WWOX: variants seen among roughly 807,000 people sequenced by gnomAD.
The protein encoded by WWOX is WW domain-containing oxidoreductase.
In WWOX, 69 loss-of-function variants were observed where a neutral mutation model predicts 46.2. The observed-to-expected ratio is 1.49, with a 90% CI of 1.23 to 1.82. The LOEUF (loss-of-function observed/expected upper bound fraction) is 1.82. WWOX is among the 40% of genes most tolerant of loss of function. The pLI is 0.00. For missense variants in WWOX, 919 were observed against 542.6 expected (o/e 1.69, Z -6.89); for synonymous variants, 359 against 202.6 (o/e 1.77, Z -6.56).
intron 8 of WWOX, among the ~76,000 whole-genome samples, chr16:79,084,817 A>G (rs1489082598): frequency 6.6e-6 from 1 of 152,196 alleles, no homozygotes; most frequent in African/African-American, 2.4e-5. Flanking sequence ...GAAGTGACAT[A>G]AAGTAGGACA....
intron 8 of WWOX, among the ~76,000 whole-genome samples, chr16:78,652,779 T>C (rs535615561): frequency 1.8e-4 from 28 of 152,328 alleles, no homozygotes; most frequent in Admixed American, 1.0e-3. Flanking sequence ...ATTTCTTTAA[T>C]ACGTGTATAT....
chr16:78,527,729 G>GCTCTTCTTTAGTTCAGTGA (rs1555555149), intron 8 of WWOX, among the ~76,000 whole-genome samples: 1 of 151,658 alleles, frequency 6.6e-6, no homozygotes, highest in African/African-American at 2.4e-5. Flanking sequence ...TCATGAACAG[G>GCTCTTCTTTAGTTCAGTGA]TTCTTGATCA....
intron 4 of WWOX, among the ~76,000 whole-genome samples, chr16:78,163,408 C>A (rs985826888): frequency 6.6e-6 from 1 of 152,168 alleles, no homozygotes; most frequent in African/African-American, 2.4e-5. Context: ...GGTGTGTTTA[C>A]CGTGGCCCTT....
intron 8 of WWOX, among the ~76,000 whole-genome samples, chr16:78,852,633 A>G (rs543390854): frequency 1.2e-4 from 19 of 152,320 alleles, no homozygotes; most frequent in African/African-American, 4.3e-4. Context: ...CAGAAAATCT[A>G]TGTGAGGGAG....
rs2050325914 is a variant in WWOX at position 79,153,699 on chromosome 16, C to T, written c.1057-57909C>T. 2.0e-5 allele frequency among the ~76,000 whole-genome samples: 3 copies of T among 152,120 alleles called. No individual in the cohort carries two copies. In the South Asian group the frequency reaches 6.2e-4, roughly 32 times the overall value. The stretch of plus-strand genomic sequence containing the variant: ...TCTCATTGTACATACTTTTCTATTC[C>T]TCCCAGTACCATTTAAAGGTTAGTG... On this transcript the variant is annotated intron_variant, in intron 8 of 8. Coordinates refer to ENST00000566780, the MANE Select transcript of WWOX (RefSeq NM_016373.4).
intron 5 of WWOX, among the ~76,000 whole-genome samples, chr16:78,383,243 G>A (rs1465043425): frequency 6.6e-6 from 1 of 152,068 alleles, no homozygotes; most frequent in Non-Finnish European, 1.5e-5. Flanking sequence ...CTGTGGTCTA[G>A]TAAATTGTGT....
chr16:78,154,478 C>T lies in WWOX; in HGVS notation c.410-9705C>T, dbSNP rs558658086. On this transcript the variant is annotated intron_variant, in intron 4 of 8. Coordinates refer to ENST00000566780, the MANE Select transcript of WWOX (RefSeq NM_016373.4). ...TATTTACACAGAGTTGCTCCCCAATCCTTGATCTTTTTTTTTTTTTTTTTT... is the reference window on the plus strand; with the variant it reads ...TATTTACACAGAGTTGCTCCCCAATTCTTGATCTTTTTTTTTTTTTTTTTT... Among the ~76,000 whole-genome samples, 71 of 141,830 alleles carry T rather than the reference C, an allele frequency of 5.0e-4. No homozygotes were observed. In the South Asian group the frequency reaches 0.015, roughly 30 times the overall value. 93.0% of individuals were successfully genotyped at this position (141,830 alleles called of 152,430 possible).
At chr16:78,351,918 A>C (rs2081192482) in intron 5 of WWOX, among the ~76,000 whole-genome samples, 1 of 152,154 alleles carries the variant, frequency 6.6e-6, no homozygotes, top group Non-Finnish European at 1.5e-5. Context: ...CAGCCTCCCA[A>C]AGTGCTGGGA....
At chr16:78,321,291 C>T (rs892410454) in intron 5 of WWOX, among the ~76,000 whole-genome samples, 3 of 68,382 alleles carry the variant, frequency 4.4e-5, no homozygotes, top group East Asian at 8.8e-4. Context: ...TATATATATA[C>T]GTATATATAT....
At chr16:78,331,704 G>A (rs1237078600) in intron 5 of WWOX, among the ~76,000 whole-genome samples, 2 of 152,126 alleles carry the variant, frequency 1.3e-5, no homozygotes, top group African/African-American at 4.8e-5. Flanking sequence ...TTGTTATCCT[G>A]ATACACACAT....
intron 8 of WWOX, among the ~76,000 whole-genome samples, chr16:78,790,491 A>G (rs868109258): frequency 2.0e-4 from 31 of 152,180 alleles, no homozygotes; most frequent in African/African-American, 5.6e-4. Context: ...TAGAAAAGTC[A>G]GAAGGTCTAC....
At chr16:78,911,077 C>A (rs974731888) in intron 8 of WWOX, among the ~76,000 whole-genome samples, 23 of 152,000 alleles carry the variant, frequency 1.5e-4, no homozygotes, top group Non-Finnish European at 2.8e-4. Flanking sequence ...GTGTGGCTCT[C>A]CCCAGGGCCT....
chr16:78,855,324 A>G (rs74576447), intron 8 of WWOX, among the ~76,000 whole-genome samples: 6,114 of 152,284 alleles, frequency 0.04, 157 homozygotes, highest in Non-Finnish European at 0.059. Context: ...TGTTCTTATC[A>G]TAATAAATCT....
intron 8 of WWOX, among the ~76,000 whole-genome samples, chr16:79,175,721 T>C (rs975297806): frequency 2.6e-5 from 4 of 152,160 alleles, no homozygotes; most frequent in Non-Finnish European, 4.4e-5. Context: ...CTGGCACCGA[T>C]GTTTAACAAA....
chr16:79,173,635 T>C (rs1221003062), intron 8 of WWOX, among the ~76,000 whole-genome samples: 1 of 151,296 alleles, frequency 6.6e-6, no homozygotes, highest in Non-Finnish European at 1.5e-5. Flanking sequence ...CTTGAAAAAT[T>C]TGAAGAAAAA....
At chr16:78,300,047 T>G (rs755172177) in intron 5 of WWOX, among the ~76,000 whole-genome samples, 1 of 152,160 alleles carries the variant, frequency 6.6e-6, no homozygotes, top group Admixed American at 6.5e-5. Flanking sequence ...GATTGCTGCA[T>G]CTTATAAGAA....
chr16:78,790,532 C>G (rs1048456996), intron 8 of WWOX, among the ~76,000 whole-genome samples: 2 of 152,166 alleles, frequency 1.3e-5, no homozygotes, highest in Admixed American at 1.3e-4. Flanking sequence ...CCAAAAGAGA[C>G]CAGTATCTAC....
intron 5 of WWOX, among the ~76,000 whole-genome samples, chr16:78,196,871 C>T (rs1163463189): frequency 6.6e-6 from 1 of 152,186 alleles, no homozygotes; most frequent in Admixed American, 6.5e-5. Context: ...ATCCACAAGG[C>T]AATTTTATCA....
chr16:78,470,378 C>G (rs74029631), intron 8 of WWOX, among the ~76,000 whole-genome samples: 3,251 of 152,264 alleles, frequency 0.021, 123 homozygotes, highest in African/African-American at 0.076. Context: ...ACTTTGGATT[C>G]TCATTTACCT....
Sources: gnomAD v4.1 joint callset for allele counts (sites outside exome capture counted in the v4.1 genomes callset) on GRCh38, gnomAD v4.1.1 for gene constraint, MANE v1.5 for transcripts, NCBI Gene and HGNC (gene_info 2026-07-23, HGNC 2026-07-21) for gene names.